Variants in PLEKHA7 observed in about 807,000 individuals in gnomAD.
The protein encoded by PLEKHA7 is pleckstrin homology domain-containing family A member 7.
A neutral mutation model predicts 170.0 loss-of-function variants in PLEKHA7; 104 were observed. The observed-to-expected ratio is 0.61, with a 90% CI of 0.52 to 0.72. The LOEUF is 0.72. Ranked by LOEUF, PLEKHA7 falls within the 30% of genes least tolerant of loss-of-function variation. The pLI, the probability that PLEKHA7 is intolerant of heterozygous loss-of-function variation, is 0.00. For synonymous variants in PLEKHA7, 648 were observed against 660.8 expected (o/e 0.98, Z 0.30); for missense variants, 1,615 against 1,671.7 (o/e 0.97, Z 0.59).
intron 8 of PLEKHA7, among the ~76,000 whole-genome samples, chr11:16,848,345 A>G (rs1029002198): frequency 6.6e-6 from 1 of 152,258 alleles, no homozygotes; most frequent in Non-Finnish European, 1.5e-5. Flanking sequence ...ACAGAACTAC[A>G]TAAGTGAAAA....
At chr11:16,853,370 C>A (rs1486990218) in intron 6 of PLEKHA7, among the ~76,000 whole-genome samples, 1 of 152,206 alleles carries the variant, frequency 6.6e-6, no homozygotes, top group Non-Finnish European at 1.5e-5. Context: ...AACTATTTAT[C>A]TGTTTCATCT....
intron 3 of PLEKHA7, among the ~76,000 whole-genome samples, chr11:16,983,914 C>CA (rs1034126333): frequency 1.1e-4 from 17 of 151,128 alleles, no homozygotes; most frequent in Non-Finnish European, 1.9e-4. Flanking sequence ...CCGGTCTCTA[C>CA]AAAAAAAAAT....
intron 3 of PLEKHA7, among the ~76,000 whole-genome samples, chr11:16,941,705 G>T (rs1860704397): frequency 6.6e-6 from 1 of 152,196 alleles, no homozygotes; most frequent in African/African-American, 2.4e-5. Flanking sequence ...GCCTCAGTGA[G>T]TTTATGTAGC....
intron 6 of PLEKHA7, among the ~76,000 whole-genome samples, chr11:16,853,784 G>A (rs1853188869): frequency 6.6e-6 from 1 of 152,168 alleles, no homozygotes; most frequent in Non-Finnish European, 1.5e-5. Context: ...AAGAGACGGT[G>A]GTACCAGGAG....
At chr11:16,911,661 A>G (rs763919711) in intron 3 of PLEKHA7, among the ~76,000 whole-genome samples, 11 of 151,874 alleles carry the variant, frequency 7.2e-5, no homozygotes, top group Non-Finnish European at 1.3e-4. Context: ...ACAGAGAGCC[A>G]TGCAGGGTTG....
intron 9 of PLEKHA7, among the ~76,000 whole-genome samples, chr11:16,829,994 TC>T (rs1850983078): frequency 6.6e-5 from 10 of 151,996 alleles, no homozygotes; most frequent in Admixed American, 6.6e-4. Context: ...TTTTTCTTTT[TC>T]TGATACAGGG....
Position 16,791,303 on chromosome 11 carries a change from T to G in PLEKHA7, c.2746-104A>C. ...GTTTAAAGGGTAGGAACAGGCCACA[T>G]CAGAGCCACAGAACATGACTGCCTC... On this transcript the variant is annotated intron_variant, in intron 19 of 26. Transcript: ENST00000531066. This position sits in a 1 kb window ranked among gnomAD's most constrained non-coding sequence, Gnocchi z 4.5. 1 of 1,119,462 alleles carries G rather than the reference T, an allele frequency of 8.9e-7. No homozygotes were observed. Among genetic ancestry groups the G allele is most frequent in the Non-Finnish European group, 1.3e-6 (1 of 794,260 alleles). 69.3% of individuals were successfully genotyped at this position (1,119,462 alleles called of 1,614,324 possible).
chr11:16,813,118 G>C lies in PLEKHA7; in HGVS notation c.2002C>G (p.Leu668Val), dbSNP rs765956226. The C allele has an allele frequency of 8.1e-6, 13 of 1,613,338 alleles. No homozygotes were observed. In the South Asian group the frequency reaches 1.3e-4, roughly 16 times the overall value. The change falls in exon 13 of 27, where the codon CTA becomes GTA. Residue 668 changes from leucine (L) to valine (V), a missense_variant. Physicochemically the swap from Leu to Val is conservative, Grantham distance 32. Coordinates refer to ENST00000531066, the MANE Select transcript of PLEKHA7 (RefSeq NM_001329630.2). ...QLKKDLEYLDLKMTGRDLLKD... is the reference protein window; with the variant it reads ...QLKKDLEYLDVKMTGRDLLKD... ...GGAACCCTGATGTCACTTACCTTTA[G>C]ATCCAGGTACTCCAGGTCTTTCTTC...
intron 16 of PLEKHA7, among the ~76,000 whole-genome samples, chr11:16,801,351 A>G (rs1166006568): frequency 6.6e-6 from 1 of 152,260 alleles, no homozygotes; most frequent in African/African-American, 2.4e-5. Flanking sequence ...GTGAAAAAGC[A>G]GATTCTGACA....
chr11:16,805,103 C>T (rs1031115383), intron 13 of PLEKHA7, among the ~76,000 whole-genome samples: 2 of 152,250 alleles, frequency 1.3e-5, no homozygotes, highest in Admixed American at 1.3e-4. Flanking sequence ...ACCGGCTGAC[C>T]TTTGGGGCTC....
intron 3 of PLEKHA7, among the ~76,000 whole-genome samples, chr11:16,932,179 C>T (rs1322895202): frequency 6.6e-6 from 1 of 152,084 alleles, no homozygotes; most frequent in Non-Finnish European, 1.5e-5. Context: ...ATTAAAAATA[C>T]CTACCTCTGT....
chr11:16,960,551 G>C (rs1357167249), intron 3 of PLEKHA7, among the ~76,000 whole-genome samples: 1 of 152,082 alleles, frequency 6.6e-6, no homozygotes, highest in African/African-American at 2.4e-5. Flanking sequence ...TTCTAGGAAG[G>C]CCCTTCCCTC....
At chr11:16,779,517 C>T (rs982183542) in intron 26 of PLEKHA7, among the ~76,000 whole-genome samples, 5 of 152,202 alleles carry the variant, frequency 3.3e-5, no homozygotes, top group Non-Finnish European at 7.3e-5. Flanking sequence ...TGTGACTGAG[C>T]GCTGTTACTG....
At chr11:16,913,138 T>C (rs1399870317) in intron 3 of PLEKHA7, among the ~76,000 whole-genome samples, 1 of 152,156 alleles carries the variant, frequency 6.6e-6, no homozygotes, top group Non-Finnish European at 1.5e-5. Context: ...TACCAGAATG[T>C]TCTCAAACGC....
chr11:16,910,983 G>A (rs962268231), intron 3 of PLEKHA7, among the ~76,000 whole-genome samples: 4 of 152,204 alleles, frequency 2.6e-5, no homozygotes, highest in African/African-American at 9.7e-5. Context: ...CAAGAGTGAT[G>A]TGACATTTTT....
intron 9 of PLEKHA7, among the ~76,000 whole-genome samples, chr11:16,832,100 C>T (rs1851163319): frequency 6.6e-6 from 1 of 152,116 alleles, no homozygotes; most frequent in Non-Finnish European, 1.5e-5. Context: ...TGCTGAATTG[C>T]AAAGTGATAA....
At chr11:16,850,314 T>C (rs899277182) in intron 8 of PLEKHA7, among the ~76,000 whole-genome samples, 4 of 152,222 alleles carry the variant, frequency 2.6e-5, no homozygotes, top group South Asian at 2.1e-4. Flanking sequence ...GTGTACGACA[T>C]TGCCTCATAT....
intron 3 of PLEKHA7, among the ~76,000 whole-genome samples, chr11:16,918,895 T>G (rs955325570): frequency 6.7e-6 from 1 of 148,496 alleles, no homozygotes; most frequent in African/African-American, 2.5e-5. Context: ...CATACTCACA[T>G]AAAAAAAAAA....
chr11:16,837,245 T>C (rs1484335058), intron 9 of PLEKHA7, among the ~76,000 whole-genome samples: 1 of 152,168 alleles, frequency 6.6e-6, no homozygotes, highest in Non-Finnish European at 1.5e-5. Context: ...GATGATACAA[T>C]GGCCTGAGAC....
Sources: allele counts gnomAD v4.1 joint callset (sites outside exome capture counted in the v4.1 genomes callset), GRCh38; gene constraint gnomAD v4.1.1; non-coding constraint Gnocchi (gnomAD v3.1); transcripts MANE v1.5; gene names NCBI Gene and HGNC (gene_info 2026-07-23, HGNC 2026-07-21).